Variants in JAKMIP2 observed in about 807,000 individuals in gnomAD.
The protein encoded by JAKMIP2 is janus kinase and microtubule-interacting protein 2.
A neutral mutation model predicts 115.0 loss-of-function variants in JAKMIP2; 25 were observed. The observed-to-expected ratio is 0.22, with a 90% CI of 0.16 to 0.30. JAKMIP2 has a LOEUF of 0.30. JAKMIP2 is among the 10% of genes least tolerant of loss of function. The pLI is 1.00. For synonymous variants in JAKMIP2, 334 were observed against 343.6 expected, an observed-to-expected ratio of 0.97 and a Z score of 0.31; for missense variants, 642 against 957.6, an observed-to-expected ratio of 0.67 and a Z score of 4.35.
At chr5:147,659,082 C>T (rs1160005621) in intron 3 of JAKMIP2, among the ~76,000 whole-genome samples, 2 of 144,856 alleles carry the variant, frequency 1.4e-5, no homozygotes, top group African/African-American at 2.7e-5. Context: ...TTCCAGGCAT[C>T]GCTGGAGTAT....
chr5:147,775,373 C>T (rs949967735), intron 1 of JAKMIP2, among the ~76,000 whole-genome samples: 18 of 152,116 alleles, frequency 1.2e-4, no homozygotes, highest in Non-Finnish European at 2.5e-4. Context: ...TCTAAAATAG[C>T]ACAATAGCTG....
chr5:147,626,544 C>T (rs1240051470), intron 16 of JAKMIP2, among the ~76,000 whole-genome samples: 4 of 152,110 alleles, frequency 2.6e-5, no homozygotes, highest in African/African-American at 4.8e-5. Context: ...CAGTTATCTA[C>T]CTTTTTTGTG....
intron 1 of JAKMIP2, among the ~76,000 whole-genome samples, chr5:147,732,915 T>C (rs547453997): frequency 1.3e-5 from 2 of 152,344 alleles, no homozygotes; most frequent in East Asian, 3.9e-4. Context: ...TCTCAAAGCA[T>C]TGTATTAGAA....
At chr5:147,604,987 C>A (rs573235260) in intron 20 of JAKMIP2, among the ~76,000 whole-genome samples, 6 of 151,844 alleles carry the variant, frequency 4.0e-5, no homozygotes, top group Admixed American at 6.6e-5. Flanking sequence ...CTCCCCACCC[C>A]CCGACAGGCC....
intron 1 of JAKMIP2, among the ~76,000 whole-genome samples, chr5:147,731,059 A>G (rs1753714499): frequency 6.6e-6 from 1 of 152,170 alleles, no homozygotes. Flanking sequence ...CCAAGTTGTT[A>G]GATTGGAACA....
At chr5:147,668,261 T>G (rs1273184217) in intron 2 of JAKMIP2, among the ~76,000 whole-genome samples, 1 of 152,156 alleles carries the variant, frequency 6.6e-6, no homozygotes. Flanking sequence ...ACTGTGCCCA[T>G]GCTGTTCACG....
chr5:147,678,339 T>C (rs149868999), intron 1 of JAKMIP2, among the ~76,000 whole-genome samples: 1 of 152,322 alleles, frequency 6.6e-6, no homozygotes, highest in Non-Finnish European at 1.5e-5. Context: ...CACTCTCTGC[T>C]ACTGTATGAG....
Position 147,671,708 on chromosome 5 carries a change from A to G in JAKMIP2, c.99T>C (p.Ile33=), listed in dbSNP as rs966270961. 8 of 1,568,008 alleles carry G rather than the reference A, an allele frequency of 5.1e-6. No homozygotes were observed. The African/African-American group carries it at 1.1e-4, about 22-fold the overall frequency. Reference sequence around the variant, plus strand: ...ACTTCTCTTGATGCAGCTCTATCTGAATGTCTGTGAGCTTGGTCCTGAGGT... The same window carrying G: ...ACTTCTCTTGATGCAGCTCTATCTGGATGTCTGTGAGCTTGGTCCTGAGGT... The part of the protein sequence containing the change: ...NEDLRTKLTD[I]QIELHQEKSK... Residue 33 remains isoleucine (I), a synonymous_variant, in exon 2 of 22, where the codon ATT becomes ATC. Transcript: ENST00000616793.
At chr5:147,661,496 G>A in intron 2 of JAKMIP2, 51 bp from the exon 3 acceptor site, 6 of 1,554,444 alleles carry the variant, frequency 3.9e-6, no homozygotes, top group Non-Finnish European at 5.2e-6. Context: ...CAAAGGACGG[G>A]TGTGCTCCTA....
At chr5:147,696,824 T>G (rs921997790) in intron 1 of JAKMIP2, among the ~76,000 whole-genome samples, 1 of 152,166 alleles carries the variant, frequency 6.6e-6, no homozygotes, top group African/African-American at 2.4e-5. Context: ...TGTAGGGAAC[T>G]GGAATAAAGG....
Position 147,597,030 on chromosome 5 carries a change from G to A in JAKMIP2, c.*20+4711C>T, listed in dbSNP as rs560370660. Among the ~76,000 whole-genome samples, 117 of 133,298 alleles carry A rather than the reference G, an allele frequency of 8.8e-4. 3 individuals carry two copies. The South Asian group carries it at 0.031, about 35-fold the overall frequency. 87.4% of individuals were successfully genotyped at this position (133,298 alleles called of 152,430 possible). On this transcript the variant is annotated intron_variant, in intron 21 of 21. Transcript: ENST00000616793. ...TGGGATTATAGGCACGGACCACCAT[G>A]CCTGGCTAATTTTTGTATTTTTTTT...
At chr5:147,719,749 T>A (rs12656057) in intron 1 of JAKMIP2, among the ~76,000 whole-genome samples, 5 of 148,432 alleles carry the variant, frequency 3.4e-5, no homozygotes, top group Admixed American at 1.3e-4. Flanking sequence ...TGTCTCTGCA[T>A]GTGAGATGGG....
chr5:147,724,338 G>T (rs1753431219), intron 1 of JAKMIP2, among the ~76,000 whole-genome samples: 1 of 151,966 alleles, frequency 6.6e-6, no homozygotes, highest in South Asian at 2.1e-4. Flanking sequence ...TTGTTGTCTT[G>T]CTCTTATTAA....
At chr5:147,655,514 G>A (rs1467724231) in intron 3 of JAKMIP2, among the ~76,000 whole-genome samples, 1 of 152,126 alleles carries the variant, frequency 6.6e-6, no homozygotes, top group Admixed American at 6.6e-5. Flanking sequence ...TTCTCTGATG[G>A]TAGTTTGTAC....
intron 7 of JAKMIP2, among the ~76,000 whole-genome samples, chr5:147,642,507 C>T (rs989812046): frequency 6.6e-6 from 1 of 151,984 alleles, no homozygotes; most frequent in Admixed American, 6.6e-5. Flanking sequence ...GCCCAAAATT[C>T]TATAAAAAAT....
chr5:147,646,482 A>G (rs17107043), intron 5 of JAKMIP2, among the ~76,000 whole-genome samples: 40,165 of 152,012 alleles, frequency 0.26, 7,154 homozygotes, highest in East Asian at 0.58. Flanking sequence ...ATGCAGATAT[A>G]CATAAAGAAA....
intron 1 of JAKMIP2, among the ~76,000 whole-genome samples, chr5:147,708,237 C>T (rs1276150174): frequency 3.9e-5 from 6 of 151,982 alleles, no homozygotes; most frequent in Admixed American, 3.9e-4. Flanking sequence ...AAATGTGGAC[C>T]GAAGAAAGAT....
chr5:147,703,610 A>G (rs1268908618), intron 1 of JAKMIP2, among the ~76,000 whole-genome samples: 1 of 114,272 alleles, frequency 8.8e-6, no homozygotes, highest in Non-Finnish European at 1.8e-5. Flanking sequence ...TTTTTTTTTT[A>G]GTGACAAGAC....
chr5:147,703,268 A>G (rs1462862692), intron 1 of JAKMIP2, among the ~76,000 whole-genome samples: 2 of 152,170 alleles, frequency 1.3e-5, no homozygotes, highest in Non-Finnish European at 2.9e-5. Flanking sequence ...TATTGATCCT[A>G]GGCTACAAAT....
Sources: allele counts gnomAD v4.1 joint callset (sites outside exome capture counted in the v4.1 genomes callset), GRCh38; gene constraint gnomAD v4.1.1; transcripts MANE v1.5; gene names NCBI Gene and HGNC (gene_info 2026-07-23, HGNC 2026-07-21).